TMEM178B: variants seen among roughly 807,000 people sequenced by gnomAD.
TMEM178B encodes the protein transmembrane protein 178B.
A neutral mutation model predicts 31.0 loss-of-function variants in TMEM178B; 5 were observed. The ratio of observed to expected loss-of-function variants is 0.16; its 90% CI spans 0.08 to 0.34. TMEM178B has a LOEUF of 0.34. Ranked by LOEUF, TMEM178B falls within the 10% of genes least tolerant of loss-of-function variation. The pLI, the probability that TMEM178B is intolerant of heterozygous loss-of-function variation, is 1.00. For missense variants in TMEM178B, 275 were observed against 400.3 expected (o/e 0.69, Z 2.67); for synonymous variants, 164 against 164.0 (o/e 1.00, Z 0.00).
intron 1 of TMEM178B, among the ~76,000 whole-genome samples, chr7:141,169,162 C>T (rs937286616): frequency 9.9e-5 from 15 of 152,074 alleles, no homozygotes; most frequent in Admixed American, 9.8e-4. Context: ...AGCCTAGTAC[C>T]CATTAGTTAT....
chr7:141,132,875 T>A (rs1157362080), intron 1 of TMEM178B, among the ~76,000 whole-genome samples: 5 of 152,226 alleles, frequency 3.3e-5, no homozygotes, highest in African/African-American at 1.2e-4. Context: ...TGGTGTCTGA[T>A]GACCAGTCTG....
chr7:141,278,220 C>T (rs1563139267), intron 2 of TMEM178B, among the ~76,000 whole-genome samples: 1 of 152,162 alleles, frequency 6.6e-6, no homozygotes, highest in African/African-American at 2.4e-5. Flanking sequence ...GGAAAGAGGG[C>T]CGAGGGGCCT....
At chr7:141,303,093 CT>C (rs1798755218) in intron 2 of TMEM178B, among the ~76,000 whole-genome samples, 1 of 152,120 alleles carries the variant, frequency 6.6e-6, no homozygotes, top group Admixed American at 6.5e-5. Context: ...CAACTAGGTT[CT>C]TTCTCGAGGT....
chr7:141,502,827 G>T, the TMEM178B span, among the ~76,000 whole-genome samples: 1 of 151,996 alleles, frequency 6.6e-6, no homozygotes, highest in Non-Finnish European at 1.5e-5. Context: ...AACATAAATG[G>T]TAATAATCAC....
At chr7:141,324,596 G>A (rs1799158540) in intron 2 of TMEM178B, among the ~76,000 whole-genome samples, 1 of 151,812 alleles carries the variant, frequency 6.6e-6, no homozygotes, top group African/African-American at 2.4e-5. Flanking sequence ...ATGCCTTTGA[G>A]CAATTTCTCT....
chr7:141,336,075 G>T (rs534908117), intron 2 of TMEM178B, among the ~76,000 whole-genome samples: 1 of 152,116 alleles, frequency 6.6e-6, no homozygotes, highest in African/African-American at 2.4e-5. Flanking sequence ...AAGAGTAATC[G>T]TCACTTGCCA....
At chr7:141,502,500 G>T in the TMEM178B span, among the ~76,000 whole-genome samples, 2 of 152,204 alleles carry the variant, frequency 1.3e-5, no homozygotes, top group African/African-American at 4.8e-5. Flanking sequence ...GGCTGGGCGT[G>T]GTGGCTCACG....
chr7:141,410,802 C>T (rs1438609855), intron 2 of TMEM178B, among the ~76,000 whole-genome samples: 1 of 152,068 alleles, frequency 6.6e-6, no homozygotes, highest in East Asian at 1.9e-4. Context: ...CCATGACGAT[C>T]GTATTAAAAG....
At chr7:141,126,379 G>A (rs774146187) in intron 1 of TMEM178B, among the ~76,000 whole-genome samples, 5 of 152,236 alleles carry the variant, frequency 3.3e-5, no homozygotes, top group African/African-American at 4.8e-5. Flanking sequence ...TGTAATTTGA[G>A]CTAAGCCTTG....
At chr7:141,409,324 T>C (rs1186020855) in intron 2 of TMEM178B, among the ~76,000 whole-genome samples, 1 of 152,168 alleles carries the variant, frequency 6.6e-6, no homozygotes, top group Non-Finnish European at 1.5e-5. Context: ...AACTGCATTT[T>C]AGACCTTTAA....
Position 141,401,232 on chromosome 7 carries a change from T to C in TMEM178B, c.497-36376T>C, listed in dbSNP as rs1157224952. Reference sequence around the variant, plus strand: ...TTCATGAATGAATGAGGGAACCCACTAAGATGGTAAAAAACTGATTCTAAG... The same window carrying C: ...TTCATGAATGAATGAGGGAACCCACCAAGATGGTAAAAAACTGATTCTAAG... On this transcript the variant is annotated intron_variant, in intron 2 of 3. Coordinates refer to ENST00000565468, the MANE Select transcript of TMEM178B (RefSeq NM_001195278.2). Among the ~76,000 whole-genome samples the C allele has an allele frequency of 2.6e-5, 4 of 152,208 alleles. No individual in the cohort carries two copies. In the East Asian group the frequency reaches 5.8e-4, roughly 22 times the overall value.
intron 2 of TMEM178B, among the ~76,000 whole-genome samples, chr7:141,280,257 A>C (rs973758482): frequency 6.6e-6 from 1 of 152,112 alleles, no homozygotes. Flanking sequence ...TTGACTACCC[A>C]AACAGGTCAG....
At chr7:141,230,325 A>G (rs1450784157) in intron 2 of TMEM178B, among the ~76,000 whole-genome samples, 3 of 152,254 alleles carry the variant, frequency 2.0e-5, no homozygotes, top group African/African-American at 7.2e-5. Flanking sequence ...TTATAGCCCT[A>G]CCAAATTTTA....
chr7:141,094,987 A>G (rs1000730861), intron 1 of TMEM178B, among the ~76,000 whole-genome samples: 3 of 152,206 alleles, frequency 2.0e-5, no homozygotes, highest in Non-Finnish European at 4.4e-5. Context: ...ACCTCCCCAC[A>G]ACAAGTATTT....
At chr7:141,430,120 C>T (rs1457261094) in intron 2 of TMEM178B, 1 of 152,244 alleles carries the variant, frequency 6.6e-6, no homozygotes, top group African/African-American at 2.4e-5. Context: ...TAGGCAGCAC[C>T]AGCTCCCTGG....
chr7:141,274,867 A>C (rs1798240987), intron 2 of TMEM178B, among the ~76,000 whole-genome samples: 1 of 152,166 alleles, frequency 6.6e-6, no homozygotes, highest in African/African-American at 2.4e-5. Context: ...GCCCTGGTCT[A>C]ATGGCAGCGC....
At chr7:141,454,122 T>G (rs1354680945) in intron 3 of TMEM178B, among the ~76,000 whole-genome samples, 1 of 152,124 alleles carries the variant, frequency 6.6e-6, no homozygotes, top group Non-Finnish European at 1.5e-5. Flanking sequence ...ATAATTAATA[T>G]AATTACCCCT....
rs1403203021 is a variant in TMEM178B, at chr7:141,074,463, C to G, written c.153C>G (p.Val51=). ...GCAAGGCCTTCAACACCCGCCGGGT[C>G]GACCCCGGCTTCATTTACAACAATA... ...DRCKAFNTRR[V]DPGFIYNNNN... Residue 51 remains valine, a synonymous_variant, in exon 1 of 4, where the codon GTC becomes GTG. Transcript: ENST00000565468. The surrounding 1 kb of genome is among the most constrained non-coding windows in gnomAD (Gnocchi z 5.1). 5.2e-6 allele frequency: 8 copies of G among 1,535,984 alleles called. No individual in the cohort carries two copies. Among genetic ancestry groups the G allele is most frequent in the Non-Finnish European group, 7.0e-6 (8 of 1,146,876 alleles).
intron 1 of TMEM178B, among the ~76,000 whole-genome samples, chr7:141,203,046 CG>C (rs1796903944): frequency 6.6e-6 from 1 of 152,188 alleles, no homozygotes; most frequent in African/African-American, 2.4e-5. Context: ...ACCCAACTCT[CG>C]TGGTCTTCTA....
Sources: gnomAD v4.1 joint callset for allele counts (sites outside exome capture counted in the v4.1 genomes callset) on GRCh38, gnomAD v4.1.1 for gene constraint, Gnocchi (gnomAD v3.1) non-coding constraint, MANE v1.5 for transcripts, NCBI Gene and HGNC (gene_info 2026-07-23, HGNC 2026-07-21) for gene names.